Variants in SERPINA9 observed in about 807,000 individuals in gnomAD.
SERPINA9 encodes serpin A9.
Under a neutral mutation model 24.5 loss-of-function variants are expected in SERPINA9, and 32 were observed. The observed-to-expected ratio is 1.30, with a 90% CI of 0.98 to 1.75. The LOEUF is 1.75. SERPINA9 is among the 40% of genes most tolerant of loss of function. The probability of loss-of-function intolerance (pLI) is 0.00; values close to 1 mark genes in which losing one functional copy is unlikely to be tolerated. For missense variants in SERPINA9, 594 were observed against 497.1 expected (o/e 1.19, Z -1.85); for synonymous variants, 233 against 197.7 (o/e 1.18, Z -1.50).
At position 94,469,240 on chromosome 14, in the gene SERPINA9, C is replaced by A. The variant is rs1456752502; in HGVS notation, c.601G>T (p.Val201Phe). 2.0e-5 allele frequency: 33 copies of A among 1,613,682 alleles called. No individual in the cohort carries two copies. The highest frequency in any genetic ancestry group is 2.7e-5 in the Non-Finnish European group (32 of 1,179,850). ...IQGLDLLTAM[V>F]LVNHIFFKAK... is the part of the protein sequence containing the mutation. ...TTAAAGAAAATGTGGTTCACCAGAA[C>A]CATGGCCGTCAGAAGGTCAAGGCCT... Residue 201 changes from valine (V) to phenylalanine (F), a missense_variant, in exon 2 of 5, where the codon GTT becomes TTT. Val to Phe is a conservative substitution (Grantham distance 50). Coordinates refer to ENST00000674397, the MANE Select transcript of SERPINA9 (RefSeq NM_175739.4).
intron 1 of SERPINA9, among the ~76,000 whole-genome samples, chr14:94,472,182 T>C (rs947836325): frequency 6.6e-6 from 1 of 152,138 alleles, no homozygotes; most frequent in Non-Finnish European, 1.5e-5. Flanking sequence ...AGTGAATTTA[T>C]CTGCAGCCTC....
intron 1 of SERPINA9, among the ~76,000 whole-genome samples, chr14:94,470,489 CT>C (rs1322615097): frequency 6.6e-6 from 1 of 152,240 alleles, no homozygotes; most frequent in Non-Finnish European, 1.5e-5. Context: ...CCCTTCAAGC[CT>C]CAGCTGACAT....
chr14:94,467,505 T>G, intron 2 of SERPINA9, 123 bp from the exon 3 acceptor site: 1 of 852,118 alleles, frequency 1.2e-6, no homozygotes, highest in East Asian at 2.5e-5. Context: ...GACAAAAAAA[T>G]GCTCTGATAT....
At chr14:94,466,545 C>G (rs1899013593) in intron 3 of SERPINA9, among the ~76,000 whole-genome samples, 1 of 152,172 alleles carries the variant, frequency 6.6e-6, no homozygotes, top group Non-Finnish European at 1.5e-5. Flanking sequence ...CCTTTTTTAT[C>G]TCATGATTAA....
chr14:94,466,994 T>A (rs1441017649), intron 3 of SERPINA9, 115 bp downstream of exon 3: 2 of 1,180,050 alleles, frequency 1.7e-6, no homozygotes, highest in Non-Finnish European at 1.2e-6. Context: ...CTGCATGCAG[T>A]TGGTGCTCAC....
intron 1 of SERPINA9, among the ~76,000 whole-genome samples, chr14:94,474,620 C>T (rs1439879003): frequency 6.6e-6 from 1 of 152,192 alleles, no homozygotes; most frequent in Non-Finnish European, 1.5e-5. Context: ...TCCTGTCCTC[C>T]TGTGGCCACC....
chr14:94,467,377 A>G lies in SERPINA9; in HGVS notation c.634T>C (p.Trp212Arg). Reference sequence around the variant, plus strand: ...TATTCAGGGTGAAAGGGCTTCTCCCACTTGGCTAGCACAAAGAGAGAAAAG... The same window carrying G: ...TATTCAGGGTGAAAGGGCTTCTCCCGCTTGGCTAGCACAAAGAGAGAAAAG... ...LVNHIFFKAKWEKPFHPEYTR... is the reference protein window; with the variant it reads ...LVNHIFFKAKREKPFHPEYTR... The change falls in exon 3 of 5, where the codon TGG becomes CGG. Residue 212 changes from tryptophan (W) to arginine (R), a missense_variant. By Grantham distance (101) the Trp-to-Arg change is moderately radical. Coordinates refer to ENST00000674397, the MANE Select transcript of SERPINA9 (RefSeq NM_175739.4). 6.2e-7 allele frequency: 1 copy of G among 1,604,154 alleles called. No individual in the cohort carries two copies. The highest frequency in any genetic ancestry group is 8.5e-7 in the Non-Finnish European group (1 of 1,172,706).
chr14:94,471,717 C>T (rs1566795146), intron 1 of SERPINA9, among the ~76,000 whole-genome samples: 1 of 150,930 alleles, frequency 6.6e-6, no homozygotes, highest in Non-Finnish European at 1.5e-5. Context: ...TCCAGAGCTG[C>T]CCCCACCCTG....
chr14:94,465,003 A>T (rs1898934588), intron 3 of SERPINA9, 149 bp from the exon 4 acceptor site: 2 of 672,404 alleles, frequency 3.0e-6, no homozygotes, highest in Non-Finnish European at 4.9e-6. Context: ...CAAGAAACCC[A>T]GGTTGCTCTT....
At chr14:94,475,484 C>A (rs1282119997) in intron 1 of SERPINA9, among the ~76,000 whole-genome samples, 1 of 152,068 alleles carries the variant, frequency 6.6e-6, no homozygotes, top group Non-Finnish European at 1.5e-5. Flanking sequence ...ACCTTGCCTC[C>A]TATCTCACAT....
At chr14:94,475,576 C>A (rs1899569846) in intron 1 of SERPINA9, among the ~76,000 whole-genome samples, 1 of 152,072 alleles carries the variant, frequency 6.6e-6, no homozygotes, top group Non-Finnish European at 1.5e-5. Flanking sequence ...TTCCCAGTCG[C>A]CCCTCTCTCT....
intron 2 of SERPINA9, among the ~76,000 whole-genome samples, chr14:94,468,562 A>C (rs1473260357): frequency 6.6e-6 from 1 of 152,204 alleles, no homozygotes; most frequent in Non-Finnish European, 1.5e-5. Context: ...CACATGGTAA[A>C]TCTTTTAGAG....
chr14:94,463,623 C>T (rs1898846940), intron 4 of SERPINA9, among the ~76,000 whole-genome samples: 1 of 152,152 alleles, frequency 6.6e-6, no homozygotes, highest in South Asian at 2.1e-4. Flanking sequence ...ACTGCATATG[C>T]CCCGTAAGGT....
At chr14:94,470,370 T>C (rs932445457) in intron 1 of SERPINA9, among the ~76,000 whole-genome samples, 1 of 152,208 alleles carries the variant, frequency 6.6e-6, no homozygotes, top group Non-Finnish European at 1.5e-5. Flanking sequence ...TCTCAAAAAG[T>C]GGAAACCTGG....
chr14:94,467,534 C>A (rs992267451), intron 2 of SERPINA9, 152 bp from the exon 3 acceptor site: 11 of 632,800 alleles, frequency 1.7e-5, no homozygotes, highest in Non-Finnish European at 2.4e-5. Context: ...GGAGTAGTTG[C>A]CCAAACTTGT....
At chr14:94,468,911 T>C (rs551550637) in intron 2 of SERPINA9, among the ~76,000 whole-genome samples, 1 of 152,208 alleles carries the variant, frequency 6.6e-6, no homozygotes, top group Non-Finnish European at 1.5e-5. Flanking sequence ...TGGCAAGAGA[T>C]CTTTTCTCTC....
At chr14:94,470,271 A>G (rs892884354) in intron 1 of SERPINA9, 2 of 918,826 alleles carry the variant, frequency 2.2e-6, no homozygotes, top group East Asian at 1.2e-4. Context: ...CCCTCCACAC[A>G]TTCTTTATCC....
rs746305930 is a variant in SERPINA9 at position 94,469,772 on chromosome 14, C to T, written c.69G>A (p.Pro23=). The T allele has an allele frequency of 2.9e-5, 45 of 1,549,112 alleles. No homozygotes were observed. In the East Asian group the frequency reaches 4.3e-4, roughly 15 times the overall value. The change falls in exon 2 of 5, where the codon CCG becomes CCA. Residue 23 remains proline, a synonymous_variant. Transcript: ENST00000674397. ...GLCAPIYCVS[P]ANAPSAYPRP... The stretch of plus-strand genomic sequence containing the variant: ...GGGGGTATGCACTGGGGGCATTGGC[C>T]GGGGACACACAGTAGATTGGAGCAC...
intron 1 of SERPINA9, among the ~76,000 whole-genome samples, chr14:94,470,527 C>T (rs1391070994): frequency 3.3e-5 from 5 of 152,230 alleles, no homozygotes; most frequent in Admixed American, 2.0e-4. Flanking sequence ...AGACTTCAGA[C>T]TAAATGACCT....
Sources: gnomAD v4.1 joint callset for allele counts (sites outside exome capture counted in the v4.1 genomes callset) on GRCh38, gnomAD v4.1.1 for gene constraint, MANE v1.5 for transcripts, NCBI Gene and HGNC (gene_info 2026-07-23, HGNC 2026-07-21) for gene names.